The following EDNRB variants were observed in gnomAD, a reference collection of about 807,000 sequenced individuals.
EDNRB encodes endothelin receptor type B.
A neutral mutation model predicts 46.4 loss-of-function variants in EDNRB; 18 were observed. The observed-to-expected ratio is 0.39, with a 90% CI of 0.27 to 0.57. The LOEUF is 0.57. EDNRB is among the 20% of genes least tolerant of loss of function. EDNRB has a pLI of 0.61. For missense variants in EDNRB, 434 were observed against 537.5 expected, an observed-to-expected ratio of 0.81 and a Z score of 1.90; for synonymous variants, 213 against 204.9, an observed-to-expected ratio of 1.04 and a Z score of -0.34.
rs1423983248 is a variant in EDNRB at position 77,931,756 on chromosome 13, A to G, written c.-51-13132T>C. On this transcript the variant is annotated intron_variant, in intron 1 of 7. Transcript: ENST00000646948. ...AATACTGTAGTAGCAAAAAAAAAAA[A>G]AAAACAAAAAAAAAAAAACAAAAAA... Among the ~76,000 whole-genome samples, 3 of 138,500 alleles carry G rather than the reference A, an allele frequency of 2.2e-5. No homozygotes were observed. In the East Asian group the frequency reaches 7.5e-4, roughly 35 times the overall value. The allele number at this position is 138,500 out of a possible 152,430, so 90.9% of individuals were successfully genotyped here. A position where few individuals can be genotyped will look rare whatever the true frequency, so the allele number is the denominator to read the frequency against.
rs555316373 is a variant in EDNRB at position 77,942,485 on chromosome 13, T to C, written c.-51-23861A>G. On this transcript the variant is annotated intron_variant, in intron 1 of 7. Coordinates refer to the EDNRB transcript ENST00000646948. ...CAGAGCCCACACATTAGCCACTAGA[T>C]TATACATACTTCTCAGATATGCCAA... Among the ~76,000 whole-genome samples, 35 of 152,280 alleles carry C rather than the reference T, an allele frequency of 2.3e-4. No homozygotes were observed. In the South Asian group the frequency reaches 7.0e-3, roughly 31 times the overall value.
intron 1 of EDNRB, among the ~76,000 whole-genome samples, chr13:77,953,528 C>T (rs1022430596): frequency 7.9e-5 from 12 of 152,096 alleles, no homozygotes; most frequent in South Asian, 4.2e-4. Context: ...ATTTTTTAGA[C>T]GAGTAAAGAG....
At chr13:77,926,976 A>T (rs1311305671) in intron 1 of EDNRB, among the ~76,000 whole-genome samples, 1 of 152,260 alleles carries the variant, frequency 6.6e-6, no homozygotes, top group Non-Finnish European at 1.5e-5. Context: ...AGACTTACTC[A>T]GTACCATGAG....
intron 1 of EDNRB, among the ~76,000 whole-genome samples, chr13:77,943,332 A>T: frequency 6.6e-6 from 1 of 152,108 alleles, no homozygotes; most frequent in East Asian, 1.9e-4. Context: ...AAGAAGTCTA[A>T]ATGTTATGGA....
At position 77,918,507 on chromosome 13, in the gene EDNRB, G is replaced by C; in HGVS notation, c.67C>G (p.Arg23Gly). The C allele has an allele frequency of 6.3e-7, 1 of 1,576,664 alleles. No homozygotes were observed. The highest frequency in any genetic ancestry group is 8.6e-7 in the Non-Finnish European group (1 of 1,166,030). The change falls in exon 1 of 7, where the codon CGG (arginine) becomes GGG (glycine). Residue 23 changes from arginine to glycine, a missense_variant. By Grantham distance (125) the Arg-to-Gly change is moderately radical. Transcript: ENST00000646607. This position sits in a 1 kb window ranked among gnomAD's most constrained non-coding sequence, Gnocchi z 4.5. The part of the protein sequence containing the change: ...VALVLACGLS[R>G]IWGEERGFPP... The stretch of plus-strand genomic sequence containing the variant: ...AAGCCTCTCTCCTCTCCCCAGATCC[G>C]CGACAGGCCGCAGGCAAGAACCAGC...
At chr13:77,930,338 A>G (rs9544638) in intron 1 of EDNRB, among the ~76,000 whole-genome samples, 80,827 of 152,086 alleles carry the variant, frequency 0.53, 22,464 homozygotes, top group Non-Finnish European at 0.63. Context: ...GTTTATTTCA[A>G]GAAGTTCTTA....
intron 1 of EDNRB, among the ~76,000 whole-genome samples, chr13:77,916,915 T>C (rs1457994195): frequency 3.1e-5 from 1 of 32,072 alleles, no homozygotes; most frequent in East Asian, 5.9e-4. Flanking sequence ...TTTAGACTGC[T>C]TTTTTTTTTT....
chr13:77,975,390 T>A (rs1289817922), exon 1 of EDNRB: 1 of 152,342 alleles, frequency 6.6e-6, no homozygotes, highest in Non-Finnish European at 1.5e-5. Flanking sequence ...TCCTTCCCAG[T>A]GTTCAGCCAC....
chr13:77,917,992 G>A (rs921190278), intron 1 of EDNRB, 99 bp downstream of exon 1: 39 of 1,575,062 alleles, frequency 2.5e-5, no homozygotes, highest in African/African-American at 1.6e-4. Flanking sequence ...CCTTAAGAGG[G>A]AGCTAAAGGG....
chr13:77,973,753 T>A (rs138903759), intron 1 of EDNRB, among the ~76,000 whole-genome samples: 1 of 152,260 alleles, frequency 6.6e-6, no homozygotes, highest in East Asian at 1.9e-4. Flanking sequence ...CTAGACAACA[T>A]TTCTTGCATG....
chr13:77,925,130 A>G (rs1349275919), intron 1 of EDNRB, among the ~76,000 whole-genome samples: 2 of 152,226 alleles, frequency 1.3e-5, no homozygotes. Context: ...GAAATCTCAT[A>G]CAAATGAAGT....
intron 1 of EDNRB, among the ~76,000 whole-genome samples, chr13:77,928,482 A>G (rs909482235): frequency 1.3e-5 from 2 of 152,330 alleles, no homozygotes; most frequent in Middle Eastern, 3.4e-3. Flanking sequence ...TTAGCTAAAG[A>G]ATATGATATT....
At chr13:77,974,321 A>T (rs1881821719) in intron 1 of EDNRB, among the ~76,000 whole-genome samples, 2 of 152,110 alleles carry the variant, frequency 1.3e-5, no homozygotes, top group Non-Finnish European at 2.9e-5. Flanking sequence ...TTATTATTTT[A>T]CTTTTTTTCT....
chr13:77,919,091 T>A, upstream of EDNRB: 1 of 496,098 alleles, frequency 2.0e-6, no homozygotes, highest in South Asian at 3.4e-5. Flanking sequence ...GAAAGACTCC[T>A]CCCGGCGGAT....
rs1284497173 is a variant in EDNRB at position 77,896,833 on chromosome 13, C to T, written c.*1367G>A. 2 of 1,123,620 alleles carry T rather than the reference C, an allele frequency of 1.8e-6. No homozygotes were observed. Among genetic ancestry groups the T allele is most frequent in the Non-Finnish European group, 2.2e-6 (2 of 919,392 alleles). 69.6% of individuals were successfully genotyped at this position (1,123,620 alleles called of 1,614,324 possible). A position where few individuals can be genotyped will look rare whatever the true frequency, so the allele number is the denominator to read the frequency against. ...TCACACACATCTCATCCCAAGCTAT[C>T]CTAAGGCACTTTGCTTAGAAGATAT... On this transcript the variant is annotated 3_prime_UTR_variant, in exon 7 of 7. Transcript: ENST00000646607.
chr13:77,932,844 T>C lies in EDNRB; in HGVS notation c.-51-14220A>G, dbSNP rs570339813. ...TTAATGTTTTAATTACATGCATTTC[T>C]AGTTCAATTCAAATCTCTCTAAGAT... is the stretch of plus-strand genomic sequence containing the variant. On this transcript the variant is annotated intron_variant, in intron 1 of 7. Transcript: ENST00000646948. 4.7e-4 allele frequency among the ~76,000 whole-genome samples: 71 copies of C among 152,386 alleles called. 2 individuals are homozygous for C. In the South Asian group the frequency reaches 0.014, roughly 31 times the overall value.
chr13:77,919,095 G>T, upstream of EDNRB: 1 of 494,552 alleles, frequency 2.0e-6, no homozygotes, highest in Non-Finnish European at 3.3e-6. Context: ...GACTCCTCCC[G>T]GCGGATGAAA....
intron 1 of EDNRB, among the ~76,000 whole-genome samples, chr13:77,931,465 C>T (rs1880396863): frequency 1.3e-5 from 2 of 152,054 alleles, no homozygotes; most frequent in Admixed American, 1.3e-4. Flanking sequence ...GGGGAATTAC[C>T]TGATCCAAGC....
At chr13:77,954,679 G>A (rs61578372) in intron 1 of EDNRB, among the ~76,000 whole-genome samples, 1 of 151,840 alleles carries the variant, frequency 6.6e-6, no homozygotes, top group African/African-American at 2.4e-5. Context: ...GCTAATTTTT[G>A]TATTTTTAGT....
Sources: gnomAD v4.1 joint callset for allele counts (sites outside exome capture counted in the v4.1 genomes callset) on GRCh38, gnomAD v4.1.1 for gene constraint, Gnocchi (gnomAD v3.1) non-coding constraint, MANE v1.5 for transcripts, NCBI Gene and HGNC (gene_info 2026-07-23, HGNC 2026-07-21) for gene names.